Variants in CAPZA1 observed in about 807,000 individuals in gnomAD.
CAPZA1 encodes the protein capping actin protein of muscle Z-line subunit alpha 1.
Under a neutral mutation model 40.8 loss-of-function variants are expected in CAPZA1, and 10 were observed. The ratio of observed to expected loss-of-function variants is 0.25; its 90% CI spans 0.15 to 0.42. CAPZA1 has a LOEUF of 0.42. Ranked by LOEUF, CAPZA1 falls within the 10% of genes least tolerant of loss-of-function variation. The probability of loss-of-function intolerance (pLI) is 1.00; values close to 1 mark genes in which losing one functional copy is unlikely to be tolerated. For synonymous variants in CAPZA1, 98 were observed against 115.0 expected (o/e 0.85, Z 0.95); for missense variants, 277 against 353.8 (o/e 0.78, Z 1.74).
chr1:112,656,056 TAAC>T (rs1484355914), intron 5 of CAPZA1, among the ~76,000 whole-genome samples: 2 of 152,226 alleles, frequency 1.3e-5, no homozygotes, highest in Non-Finnish European at 2.9e-5. Context: ...ATTGAGCTAA[TAAC>T]ATGGATTTCT....
In CAPZA1 at chr1:112,654,926, C is replaced by T. The variant is rs141080844; in HGVS notation, c.426+255C>T. Among the ~76,000 whole-genome samples, 339 of 152,116 alleles carry T rather than the reference C, an allele frequency of 2.2e-3. 2 individuals carry two copies. The highest frequency in any genetic ancestry group is 6.9e-3 in the African/African-American group (287 of 41,498). ...TTTCACATTTGACTTATGAAAAATG[C>T]CTTACACCCATCAGAAAAAGGTCTT... On this transcript the variant is annotated intron_variant, in intron 5 of 9. Coordinates refer to ENST00000263168, the MANE Select transcript of CAPZA1 (RefSeq NM_006135.3).
rs146278098 is a variant in CAPZA1, at chr1:112,631,692, C to T, written c.39+11809C>T. On this transcript the variant is annotated intron_variant, in intron 1 of 9. Transcript: ENST00000263168. ...ACATCTACATCATTGCTCGCTAACACGTGAATCTCAAGGTACCTGGTGTGG... is the reference window on the plus strand; with the variant it reads ...ACATCTACATCATTGCTCGCTAACATGTGAATCTCAAGGTACCTGGTGTGG... Among the ~76,000 whole-genome samples the T allele has an allele frequency of 3.1e-3, 467 of 152,238 alleles. 4 individuals are homozygous for T. The highest frequency in any genetic ancestry group is 0.011 in the African/African-American group (438 of 41,550).
intron 3 of CAPZA1, among the ~76,000 whole-genome samples, chr1:112,651,162 T>C (rs1323179580): frequency 6.6e-6 from 1 of 152,230 alleles, no homozygotes; most frequent in Non-Finnish European, 1.5e-5. Context: ...TTTACCATCT[T>C]TCCTGGATTT....
At chr1:112,650,339 C>A (rs1671360106) in intron 3 of CAPZA1, among the ~76,000 whole-genome samples, 1 of 152,112 alleles carries the variant, frequency 6.6e-6, no homozygotes, top group Non-Finnish European at 1.5e-5. Flanking sequence ...TTTTGGAACT[C>A]ATTTTGGGAC....
chr1:112,634,605 C>G (rs970774912), intron 1 of CAPZA1: 7 of 152,122 alleles, frequency 4.6e-5, no homozygotes, highest in African/African-American at 1.7e-4. Flanking sequence ...GTTAAGATAA[C>G]AGTAGCTGAC....
At chr1:112,666,687 G>A (rs1055300822) in intron 7 of CAPZA1, among the ~76,000 whole-genome samples, 4 of 152,184 alleles carry the variant, frequency 2.6e-5, no homozygotes, top group African/African-American at 7.2e-5. Context: ...TATTAGGTAT[G>A]AGGATCCATT....
chr1:112,628,769 C>G (rs773050715), intron 1 of CAPZA1, among the ~76,000 whole-genome samples: 6 of 152,222 alleles, frequency 3.9e-5, no homozygotes, highest in Non-Finnish European at 7.3e-5. Flanking sequence ...GTTAATGACA[C>G]TTCCATTCTT....
intron 5 of CAPZA1, among the ~76,000 whole-genome samples, chr1:112,657,135 T>A (rs1409316376): frequency 6.6e-6 from 1 of 151,884 alleles, no homozygotes; most frequent in Admixed American, 6.6e-5. Context: ...CTCCTGACCT[T>A]GTAATCCGTT....
At chr1:112,629,707 G>A (rs1017611441) in intron 1 of CAPZA1, among the ~76,000 whole-genome samples, 6 of 152,152 alleles carry the variant, frequency 3.9e-5, no homozygotes, top group Non-Finnish European at 8.8e-5. Flanking sequence ...AATGACATAC[G>A]GAATGAAACC....
At chr1:112,625,805 T>C (rs978684822) in intron 1 of CAPZA1, 1 of 152,218 alleles carries the variant, frequency 6.6e-6, no homozygotes, top group Non-Finnish European at 1.5e-5. Flanking sequence ...GTGATTTGAA[T>C]GATTAAGTAA....
chr1:112,662,098 A>G (rs953563550), intron 7 of CAPZA1, among the ~76,000 whole-genome samples: 1 of 152,192 alleles, frequency 6.6e-6, no homozygotes, highest in Admixed American at 6.5e-5. Flanking sequence ...CTTAGAACAC[A>G]TAAGTTTTGA....
chr1:112,620,860 G>C lies in CAPZA1; in HGVS notation c.39+977G>C, dbSNP rs1053715014. On this transcript the variant is annotated intron_variant, in intron 1 of 9. Coordinates refer to ENST00000263168, the MANE Select transcript of CAPZA1 (RefSeq NM_006135.3). ...TGTCAGGCTTTTCAGTAAGTACATG[G>C]TTTTAGGGCACGTAGAACTTAGAAT... 75 of 152,202 alleles carry C rather than the reference G, an allele frequency of 4.9e-4. 1 individual carries two copies. The highest frequency in any genetic ancestry group is 1.6e-3 in the African/African-American group (67 of 41,450). 9.4% of individuals were successfully genotyped at this position (152,202 alleles called of 1,614,324 possible).
At chr1:112,640,816 GGTT>G (rs1664161412) in intron 1 of CAPZA1, among the ~76,000 whole-genome samples, 1 of 152,230 alleles carries the variant, frequency 6.6e-6, no homozygotes, top group Non-Finnish European at 1.5e-5. Context: ...GAAATCGGAT[GGTT>G]GCCGTGTCTG....
At chr1:112,619,920 G>A (rs757075678) in intron 1 of CAPZA1, 37 bp downstream of exon 1, 2 of 1,560,598 alleles carry the variant, frequency 1.3e-6, no homozygotes, top group South Asian at 1.2e-5. Context: ...CTCCTCCCCC[G>A]ACAGGGAACT....
At chr1:112,659,659 G>A in intron 6 of CAPZA1, 42 bp from the exon 7 acceptor site, 1 of 1,502,484 alleles carries the variant, frequency 6.7e-7, no homozygotes, top group South Asian at 1.2e-5. Flanking sequence ...TCTTTCTTGT[G>A]CTTATTGCTA....
intron 5 of CAPZA1, 102 bp downstream of exon 5, chr1:112,654,773 A>C: frequency 1.4e-6 from 1 of 712,502 alleles, no homozygotes; most frequent in Non-Finnish European, 2.3e-6. Context: ...CTTCTTAGCC[A>C]TGCTCTCTTC....
intron 3 of CAPZA1, among the ~76,000 whole-genome samples, chr1:112,652,021 T>C (rs767775475): frequency 1.2e-4 from 18 of 152,062 alleles, no homozygotes; most frequent in Non-Finnish European, 2.2e-4. Context: ...CTTGGGAGGC[T>C]GAGGCAGGAG....
chr1:112,665,506 C>T (rs1671708281), intron 7 of CAPZA1, among the ~76,000 whole-genome samples: 2 of 152,064 alleles, frequency 1.3e-5, no homozygotes, highest in Non-Finnish European at 2.9e-5. Context: ...AACACAATAC[C>T]TTAGACTGGT....
intron 1 of CAPZA1, among the ~76,000 whole-genome samples, chr1:112,639,968 G>C: frequency 7.8e-6 from 1 of 128,250 alleles, no homozygotes; most frequent in South Asian, 2.6e-4. Flanking sequence ...GAGGTGGGGG[G>C]GTCAGCCCCC....
Sources: gnomAD v4.1 joint callset for allele counts (sites outside exome capture counted in the v4.1 genomes callset) on GRCh38, gnomAD v4.1.1 for gene constraint, MANE v1.5 for transcripts, NCBI Gene and HGNC (gene_info 2026-07-23, HGNC 2026-07-21) for gene names.